The following MSRB3 variants were observed in gnomAD, a reference collection of about 807,000 sequenced individuals.
The protein encoded by MSRB3 is methionine-R-sulfoxide reductase B3.
A neutral mutation model predicts 21.0 loss-of-function variants in MSRB3; 13 were observed. That is an observed-to-expected ratio of 0.62 (90% CI 0.40 to 0.98). The LOEUF is 0.98. Among genes scored for constraint, MSRB3 ranks in the 50% least tolerant of loss-of-function variants. The pLI, the probability that MSRB3 is intolerant of heterozygous loss-of-function variation, is 0.00. For missense variants in MSRB3, 199 were observed against 230.3 expected (o/e 0.86, Z 0.88); for synonymous variants, 87 against 88.6 (o/e 0.98, Z 0.10).
intron 5 of MSRB3, among the ~76,000 whole-genome samples, chr12:65,435,699 T>G (rs1882084497): frequency 6.6e-6 from 1 of 151,882 alleles, no homozygotes; most frequent in African/African-American, 2.4e-5. Flanking sequence ...CTAGGAAAGA[T>G]TTGATAGACT....
chr12:65,459,830 G>A (rs1883243965), intron 6 of MSRB3, among the ~76,000 whole-genome samples: 1 of 152,158 alleles, frequency 6.6e-6, no homozygotes, highest in Admixed American at 6.5e-5. Flanking sequence ...ATTGAGAACT[G>A]CAGTCAGATT....
intron 2 of MSRB3, among the ~76,000 whole-genome samples, chr12:65,315,352 TA>T (rs1227571680): frequency 6.6e-6 from 1 of 152,136 alleles, no homozygotes; most frequent in Non-Finnish European, 1.5e-5. Flanking sequence ...CTTGTATTAG[TA>T]ATTTAAAAAT....
intron 2 of MSRB3, among the ~76,000 whole-genome samples, chr12:65,318,378 T>A (rs886898777): frequency 6.6e-6 from 1 of 152,156 alleles, no homozygotes; most frequent in African/African-American, 2.4e-5. Flanking sequence ...TTGTGGGTGG[T>A]TACCGCTCAT....
chr12:65,419,201 G>T, intron 5 of MSRB3: 1 of 707,878 alleles, frequency 1.4e-6, no homozygotes, highest in African/African-American at 1.7e-5. Context: ...TCCTTAATCT[G>T]CTGAGACCAG....
intron 4 of MSRB3, among the ~76,000 whole-genome samples, chr12:65,363,343 G>A (rs1565855849): frequency 6.6e-6 from 1 of 152,028 alleles, no homozygotes; most frequent in Non-Finnish European, 1.5e-5. Context: ...GAATTTTTGT[G>A]GACACTGGGC....
Position 65,353,270 on chromosome 12 carries a change from T to C in MSRB3, c.264-15728T>C, listed in dbSNP as rs192916163. On this transcript the variant is annotated intron_variant, in intron 4 of 6. Coordinates refer to ENST00000308259, the MANE Select transcript of MSRB3 (RefSeq NM_001031679.3). Reference sequence around the variant, plus strand: ...CTGTTGCAGAGCTGAGTTCAGTTCCTGGATATCCTTGTTAACTTTCTATCT... The same window carrying C: ...CTGTTGCAGAGCTGAGTTCAGTTCCCGGATATCCTTGTTAACTTTCTATCT... Among the ~76,000 whole-genome samples, 3 of 152,276 alleles carry C rather than the reference T, an allele frequency of 2.0e-5. No homozygotes were observed. In the East Asian group the frequency reaches 5.8e-4, roughly 29 times the overall value.
intron 5 of MSRB3, among the ~76,000 whole-genome samples, chr12:65,397,107 G>T (rs1879861488): frequency 6.6e-6 from 1 of 152,112 alleles, no homozygotes; most frequent in African/African-American, 2.4e-5. Flanking sequence ...CTTTATGATT[G>T]TATAGTTCCC....
At chr12:65,458,976 G>A (rs930414460) in intron 6 of MSRB3, among the ~76,000 whole-genome samples, 10 of 152,202 alleles carry the variant, frequency 6.6e-5, no homozygotes, top group Non-Finnish European at 1.2e-4. Context: ...GTGCAAAGAA[G>A]TAAGATTTCC....
intron 5 of MSRB3, among the ~76,000 whole-genome samples, chr12:65,388,147 A>C (rs1879287410): frequency 6.6e-6 from 1 of 152,222 alleles, no homozygotes; most frequent in Non-Finnish European, 1.5e-5. Flanking sequence ...TTTAAAAAAA[A>C]ATGTTTTAAG....
At chr12:65,351,810 G>A (rs1281719803) in intron 4 of MSRB3, among the ~76,000 whole-genome samples, 2 of 152,044 alleles carry the variant, frequency 1.3e-5, no homozygotes, top group East Asian at 3.8e-4. Context: ...CTGAAATTGT[G>A]GCAATAATCG....
At chr12:65,354,674 G>A (rs369404387) in intron 4 of MSRB3, among the ~76,000 whole-genome samples, 187 of 151,824 alleles carry the variant, frequency 1.2e-3, no homozygotes, top group African/African-American at 4.3e-3. Context: ...AAGGCCAAAG[G>A]TAGATGTATA....
chr12:65,383,130 A>G (rs1421643039), intron 5 of MSRB3, among the ~76,000 whole-genome samples: 1 of 152,206 alleles, frequency 6.6e-6, no homozygotes, highest in Non-Finnish European at 1.5e-5. Flanking sequence ...GATCAAATGT[A>G]CAAATCAAAA....
At chr12:65,457,062 G>C (rs1883121128) in intron 6 of MSRB3, among the ~76,000 whole-genome samples, 1 of 151,786 alleles carries the variant, frequency 6.6e-6, no homozygotes, top group Non-Finnish European at 1.5e-5. Context: ...AAAAGATTTA[G>C]TAGTTCCCAT....
Position 65,392,197 on chromosome 12 carries a change from A to G in MSRB3, c.292+23171A>G, listed in dbSNP as rs1339980149. 2.0e-5 allele frequency among the ~76,000 whole-genome samples: 3 copies of G among 152,294 alleles called. No homozygotes were observed. The East Asian group carries it at 5.8e-4, about 29-fold the overall frequency. On this transcript the variant is annotated intron_variant, in intron 5 of 6. Coordinates refer to ENST00000308259, the MANE Select transcript of MSRB3 (RefSeq NM_001031679.3). ...CTCAAAGTCTCTGCAGTTGGAGCCC[A>G]GACACTGGCATTGTTTTAAAAGCTC...
At chr12:65,311,364 C>A (rs542002100) in intron 2 of MSRB3, among the ~76,000 whole-genome samples, 1 of 152,046 alleles carries the variant, frequency 6.6e-6, no homozygotes, top group Non-Finnish European at 1.5e-5. Flanking sequence ...AATTTCTCGA[C>A]CATTCAAGCA....
intron 4 of MSRB3, among the ~76,000 whole-genome samples, chr12:65,367,487 CA>C (rs1464021452): frequency 6.6e-6 from 1 of 151,640 alleles, no homozygotes; most frequent in Non-Finnish European, 1.5e-5. Flanking sequence ...TGCATAGATG[CA>C]AAAAATTCTC....
At chr12:65,459,306 C>T (rs1352174210) in intron 6 of MSRB3, among the ~76,000 whole-genome samples, 1 of 152,154 alleles carries the variant, frequency 6.6e-6, no homozygotes, top group Non-Finnish European at 1.5e-5. Context: ...AAAAGTTAAG[C>T]AGTTTTTGGT....
intron 5 of MSRB3, among the ~76,000 whole-genome samples, chr12:65,385,316 G>T (rs1182430839): frequency 6.6e-6 from 1 of 151,942 alleles, no homozygotes; most frequent in Non-Finnish European, 1.5e-5. Flanking sequence ...CTGCTTAGGG[G>T]AATCACTTCA....
chr12:65,460,542 A>G (rs1883279859), intron 6 of MSRB3, among the ~76,000 whole-genome samples: 1 of 152,114 alleles, frequency 6.6e-6, no homozygotes, highest in Non-Finnish European at 1.5e-5. Context: ...TTTTGAGATG[A>G]TGCTCTTCCC....
Sources: gnomAD v4.1 joint callset for allele counts (sites outside exome capture counted in the v4.1 genomes callset) on GRCh38, gnomAD v4.1.1 for gene constraint, MANE v1.5 for transcripts, NCBI Gene and HGNC (gene_info 2026-07-23, HGNC 2026-07-21) for gene names.